SLC2A1: variants seen among roughly 807,000 people sequenced by gnomAD.
SLC2A1 encodes solute carrier family 2 member 1, also known as solute carrier family 2, facilitated glucose transporter member 1.
In SLC2A1, 4 loss-of-function variants were observed where a neutral mutation model predicts 46.6. The ratio of observed to expected loss-of-function variants is 0.09; its 90% CI spans 0.04 to 0.20. SLC2A1 has a LOEUF of 0.20. Among genes scored for constraint, SLC2A1 ranks in the 10% least tolerant of loss-of-function variants. The pLI, the probability that SLC2A1 is intolerant of heterozygous loss-of-function variation, is 1.00. For synonymous variants in SLC2A1, 253 were observed against 270.0 expected, an observed-to-expected ratio of 0.94 and a Z score of 0.62; for missense variants, 352 against 667.0, an observed-to-expected ratio of 0.53 and a Z score of 5.20.
At chr1:42,952,449 T>A (rs1643731466) in intron 1 of SLC2A1, 1 of 466,326 alleles carries the variant, frequency 2.1e-6, no homozygotes, top group Admixed American at 2.3e-5. Context: ...CACCAGGTTG[T>A]AGATGGTGAT....
At chr1:42,953,725 G>A (rs929253331) in intron 1 of SLC2A1, among the ~76,000 whole-genome samples, 9 of 152,172 alleles carry the variant, frequency 5.9e-5, no homozygotes, top group Non-Finnish European at 7.4e-5. Flanking sequence ...CCGACACCCC[G>A]TGACCAGGAG....
chr1:42,945,263 G>A (rs951970507), intron 1 of SLC2A1, among the ~76,000 whole-genome samples: 2 of 152,104 alleles, frequency 1.3e-5, no homozygotes, highest in African/African-American at 4.8e-5. Context: ...TTAAGAAAAC[G>A]TGGCATAGTG....
At chr1:42,952,007 G>A (rs1643726518) in intron 1 of SLC2A1, 2 of 418,546 alleles carry the variant, frequency 4.8e-6, no homozygotes, top group South Asian at 8.5e-5. Context: ...CATCCTCACT[G>A]GTCAGGGGGC....
rs74068369 is a variant in SLC2A1 at position 42,929,422 on chromosome 1, A to C, written c.868-108T>G. On this transcript the variant is annotated intron_variant, in intron 6 of 9. Coordinates refer to ENST00000426263, the MANE Select transcript of SLC2A1 (RefSeq NM_006516.4). The surrounding 1 kb of genome is among the most constrained non-coding windows in gnomAD (Gnocchi z 6.0). Reference sequence around the variant, plus strand: ...GATGAGTAAAGAATGAAGGGGACAAATACTCAGGCAGAAGGGACACTGCAC... The same window carrying C: ...GATGAGTAAAGAATGAAGGGGACAACTACTCAGGCAGAAGGGACACTGCAC... The C allele has an allele frequency of 7.5e-3, 8,360 of 1,116,672 alleles. 446 individuals are homozygous for C. In the African/African-American group the frequency reaches 0.11, roughly 15 times the overall value. The allele number at this position is 1,116,672 out of a possible 1,614,324, so 69.2% of individuals were successfully genotyped here. A position where few individuals can be genotyped will look rare whatever the true frequency, so the allele number is the denominator to read the frequency against.
rs778193353 is a variant in SLC2A1 at position 42,944,639 on chromosome 1, G to T, written c.19-1318C>A. Among the ~76,000 whole-genome samples the T allele has an allele frequency of 7.2e-5, 11 of 152,274 alleles. No homozygotes were observed. The South Asian group carries it at 1.5e-3, about 20-fold the overall frequency. On this transcript the variant is annotated intron_variant, in intron 1 of 9. Transcript: ENST00000426263. ...TCATTCTCTGAAAGCGTCAGTCAGG[G>T]CAACGACTGCAAAAGCCAAGGCTCT...
chr1:42,952,258 AG>A, intron 1 of SLC2A1: 1 of 407,098 alleles, frequency 2.5e-6, no homozygotes, highest in East Asian at 6.4e-5. Context: ...AGTGAAAATG[AG>A]GATCAGGATC....
chr1:42,940,192 T>C (rs1187573105), intron 2 of SLC2A1, among the ~76,000 whole-genome samples: 1 of 152,216 alleles, frequency 6.6e-6, no homozygotes, highest in East Asian at 1.9e-4. Flanking sequence ...CCAACTCTTT[T>C]GGAAGAGCCG....
chr1:42,954,365 A>T lies in SLC2A1; in HGVS notation c.18+4269T>A, dbSNP rs187372319. On this transcript the variant is annotated intron_variant, in intron 1 of 9. Coordinates refer to ENST00000426263, the MANE Select transcript of SLC2A1 (RefSeq NM_006516.4). This position sits in a 1 kb window ranked among gnomAD's most constrained non-coding sequence, Gnocchi z 4.2. ...GAAACCCCATCTCTACTAAAAAAAA[A>T]TACAAAAAAATTAGCCGGGCATGGT... 3.3e-3 allele frequency among the ~76,000 whole-genome samples: 495 copies of T among 152,286 alleles called. 4 individuals are homozygous for T. The highest frequency in any genetic ancestry group is 0.011 in the African/African-American group (477 of 41,562).
At chr1:42,937,713 T>C (rs890014164) in intron 2 of SLC2A1, among the ~76,000 whole-genome samples, 2 of 152,224 alleles carry the variant, frequency 1.3e-5, no homozygotes, top group Admixed American at 6.5e-5. Flanking sequence ...TTCTAGAGTA[T>C]GTATAACAAT....
At chr1:42,952,478 T>C in intron 1 of SLC2A1, 1 of 447,270 alleles carries the variant, frequency 2.2e-6, no homozygotes, top group Non-Finnish European at 4.5e-6. Context: ...CCATGACCGC[T>C]GGGACACTGG....
Position 42,930,920 on chromosome 1 carries a change from G to T in SLC2A1, c.276-54C>A. On this transcript the variant is annotated intron_variant, in intron 3 of 9. Coordinates refer to ENST00000426263, the MANE Select transcript of SLC2A1 (RefSeq NM_006516.4). The surrounding 1 kb of genome is among the most constrained non-coding windows in gnomAD (Gnocchi z 6.2). ...TGCCCACATTCCTTGGGCTCCGAGG[G>T]GCTGGGTCAGAGGTAATACCCTGGA... 1 of 1,604,798 alleles carries T rather than the reference G, an allele frequency of 6.2e-7. No individual in the cohort carries two copies. Among genetic ancestry groups the T allele is most frequent in the East Asian group, 2.2e-5 (1 of 44,856 alleles).
chr1:42,926,783 A>G lies in SLC2A1; in HGVS notation c.*258T>C. The G allele has an allele frequency of 6.8e-7, 1 of 1,467,546 alleles. No homozygotes were observed. Among genetic ancestry groups the G allele is most frequent in the Non-Finnish European group, 9.0e-7 (1 of 1,110,616 alleles). 90.9% of individuals were successfully genotyped at this position (1,467,546 alleles called of 1,614,324 possible). A position where few individuals can be genotyped will look rare whatever the true frequency, so the allele number is the denominator to read the frequency against. ...ACAGGAGACTCAGGCTGATATAAAAATAACAAAATCAGTAATAAAAAAATT... is the reference window on the plus strand; with the variant it reads ...ACAGGAGACTCAGGCTGATATAAAAGTAACAAAATCAGTAATAAAAAAATT... On this transcript the variant is annotated 3_prime_UTR_variant, in exon 10 of 10. Transcript: ENST00000426263.
intron 2 of SLC2A1, among the ~76,000 whole-genome samples, chr1:42,934,754 C>T (rs1419890007): frequency 6.6e-6 from 1 of 152,122 alleles, no homozygotes; most frequent in Admixed American, 6.5e-5. Context: ...GTTCTGAACG[C>T]TCCCACCTCA....
At chr1:42,928,113 G>A (rs1484293355) in intron 8 of SLC2A1, among the ~76,000 whole-genome samples, 1 of 152,200 alleles carries the variant, frequency 6.6e-6, no homozygotes, top group Non-Finnish European at 1.5e-5. Flanking sequence ...TCCGCCTGTG[G>A]CAGGATGCAG....
Position 42,927,006 on chromosome 1 carries a change from G to C in SLC2A1, c.*35C>G. 2 of 1,608,736 alleles carry C rather than the reference G, an allele frequency of 1.2e-6. No homozygotes were observed. The highest frequency in any genetic ancestry group is 1.7e-6 in the Non-Finnish European group (2 of 1,176,070). Reference sequence around the variant, plus strand: ...GTGCTCCTGAGAGATCCTTAGGGCTGCTGGGAGCAGGCCGGGCTGGTGATC... The same window carrying C: ...GTGCTCCTGAGAGATCCTTAGGGCTCCTGGGAGCAGGCCGGGCTGGTGATC... On this transcript the variant is annotated 3_prime_UTR_variant, in exon 10 of 10. Coordinates refer to ENST00000426263, the MANE Select transcript of SLC2A1 (RefSeq NM_006516.4). The surrounding 1 kb of genome is among the most constrained non-coding windows in gnomAD (Gnocchi z 5.3).
chr1:42,930,163 C>T lies in SLC2A1; in HGVS notation c.517-128G>A. On this transcript the variant is annotated intron_variant, in intron 4 of 9. Transcript: ENST00000426263. This position sits in a 1 kb window ranked among gnomAD's most constrained non-coding sequence, Gnocchi z 6.2. ...AAGGGCCCCAGTTCTAGAGGCTCTG[C>T]CACTAGCATGAGCCCTGTTTCTCAG... 9.9e-7 allele frequency: 1 copy of T among 1,015,074 alleles called. No homozygotes were observed. Among genetic ancestry groups the T allele is most frequent in the Non-Finnish European group, 1.5e-6 (1 of 662,934 alleles). The allele number at this position is 1,015,074 out of a possible 1,614,324, so 62.9% of individuals were successfully genotyped here.
chr1:42,942,161 G>A (rs1643604863), intron 2 of SLC2A1, among the ~76,000 whole-genome samples: 1 of 152,226 alleles, frequency 6.6e-6, no homozygotes, highest in Non-Finnish European at 1.5e-5. Flanking sequence ...TCTCTGGGAA[G>A]GTACAGATTT....
intron 1 of SLC2A1, among the ~76,000 whole-genome samples, chr1:42,953,868 T>G: frequency 6.6e-6 from 1 of 152,326 alleles, no homozygotes; most frequent in Middle Eastern, 3.4e-3. Flanking sequence ...TGGGGCTGTT[T>G]ACATCATTTG....
In SLC2A1 at chr1:42,927,035, G is replaced by T; in HGVS notation, c.*6C>A. 3 of 1,613,100 alleles carry T rather than the reference G, an allele frequency of 1.9e-6. No individual in the cohort carries two copies. Among genetic ancestry groups the T allele is most frequent in the Non-Finnish European group, 2.5e-6 (3 of 1,179,132 alleles). On this transcript the variant is annotated 3_prime_UTR_variant, in exon 10 of 10. Coordinates refer to ENST00000426263, the MANE Select transcript of SLC2A1 (RefSeq NM_006516.4). This position sits in a 1 kb window ranked among gnomAD's most constrained non-coding sequence, Gnocchi z 5.3. The stretch of plus-strand genomic sequence containing the variant: ...GGAGCAGGCCGGGCTGGTGATCTGG[G>T]GCGACTCACACTTGGGAATCAGCCC...
Sources: allele counts gnomAD v4.1 joint callset (sites outside exome capture counted in the v4.1 genomes callset), GRCh38; gene constraint gnomAD v4.1.1; non-coding constraint Gnocchi (gnomAD v3.1); transcripts MANE v1.5; gene names NCBI Gene and HGNC (gene_info 2026-07-23, HGNC 2026-07-21).